Variants in CRPPA observed in about 807,000 individuals in gnomAD.
CRPPA encodes the protein CDP-L-ribitol pyrophosphorylase A, also known as D-ribitol-5-phosphate cytidylyltransferase.
A neutral mutation model predicts 52.0 loss-of-function variants in CRPPA; 43 were observed. The observed-to-expected ratio is 0.83, with a 90% CI of 0.65 to 1.07. The LOEUF is 1.07. Among genes scored for constraint, CRPPA ranks in the 50% least tolerant of loss-of-function variants. The pLI is 0.00. For synonymous variants in CRPPA, 250 were observed against 203.5 expected, an observed-to-expected ratio of 1.23 and a Z score of -1.94; for missense variants, 629 against 551.7, an observed-to-expected ratio of 1.14 and a Z score of -1.40.
At chr7:16,213,348 T>C (rs984173663) in intron 9 of CRPPA, among the ~76,000 whole-genome samples, 1 of 152,222 alleles carries the variant, frequency 6.6e-6, no homozygotes, top group African/African-American at 2.4e-5. Flanking sequence ...AGGGACTTAG[T>C]CTAATTTAAT....
chr7:16,160,407 C>A (rs187279769), intron 9 of CRPPA, among the ~76,000 whole-genome samples: 1 of 152,152 alleles, frequency 6.6e-6, no homozygotes, highest in African/African-American at 2.4e-5. Flanking sequence ...TTTCCCAACA[C>A]CATTTATTAA....
intron 9 of CRPPA, among the ~76,000 whole-genome samples, chr7:16,194,071 CA>C (rs1781673840): frequency 6.6e-6 from 1 of 151,694 alleles, no homozygotes; most frequent in Non-Finnish European, 1.5e-5. Context: ...TTACCTAAGA[CA>C]AAAAAAATTA....
rs941781424 is a variant in CRPPA at position 16,111,886 on chromosome 7, T to G, written c.1252-20087A>C. ...AGTTAATAATGGGAATATTGTACAT[T>G]TCAAAACTGCTGAGTAAATTCCAAA... On this transcript the variant is annotated intron_variant, in intron 9 of 9. Coordinates refer to ENST00000407010, the MANE Select transcript of CRPPA (RefSeq NM_001101426.4). Among the ~76,000 whole-genome samples, 3 of 152,284 alleles carry G rather than the reference T, an allele frequency of 2.0e-5. No homozygotes were observed. The East Asian group carries it at 5.8e-4, about 29-fold the overall frequency.
intron 3 of CRPPA, among the ~76,000 whole-genome samples, chr7:16,362,226 G>A (rs570330976): frequency 1.3e-5 from 2 of 152,180 alleles, no homozygotes; most frequent in Non-Finnish European, 2.9e-5. Flanking sequence ...CACAGACCGG[G>A]TAGTTTACCA....
chr7:16,188,042 ATTTTT>A (rs34518390), intron 9 of CRPPA, among the ~76,000 whole-genome samples: 4 of 115,502 alleles, frequency 3.5e-5, no homozygotes, highest in Non-Finnish European at 3.7e-5. Flanking sequence ...ATTTGGGTGA[ATTTTT>A]TTTTTTTTTT....
intron 9 of CRPPA, among the ~76,000 whole-genome samples, chr7:16,137,596 T>A (rs1782785625): frequency 6.6e-6 from 1 of 152,136 alleles, no homozygotes; most frequent in Non-Finnish European, 1.5e-5. Context: ...CTACACAAAA[T>A]CTTTTATTAG....
At chr7:16,399,920 G>A (rs969313372) in intron 2 of CRPPA, among the ~76,000 whole-genome samples, 1 of 151,930 alleles carries the variant, frequency 6.6e-6, no homozygotes, top group South Asian at 2.1e-4. Context: ...GTGTGTGACA[G>A]GCGTGTTATG....
At chr7:16,310,269 C>A (rs1785005860) in intron 3 of CRPPA, among the ~76,000 whole-genome samples, 1 of 151,998 alleles carries the variant, frequency 6.6e-6, no homozygotes, top group East Asian at 1.9e-4. Context: ...CAGTGTCTAA[C>A]AGCCTTCTGC....
intron 8 of CRPPA, among the ~76,000 whole-genome samples, chr7:16,254,417 G>A (rs1783557057): frequency 6.6e-6 from 1 of 151,806 alleles, no homozygotes; most frequent in South Asian, 2.1e-4. Context: ...CATAAAAAAT[G>A]ATGAGTTCAT....
At chr7:16,258,626 A>C (rs2128412378) in intron 7 of CRPPA, 144 bp from the exon 8 acceptor site, 1 of 621,420 alleles carries the variant, frequency 1.6e-6, no homozygotes, top group African/African-American at 1.9e-5. Context: ...ATTTTAAAGG[A>C]TATCCATAAA....
intron 8 of CRPPA, among the ~76,000 whole-genome samples, chr7:16,247,015 A>C (rs1395158538): frequency 6.6e-6 from 1 of 152,244 alleles, no homozygotes; most frequent in Non-Finnish European, 1.5e-5. Flanking sequence ...TTCCAATAGA[A>C]GGCTGTCTCA....
chr7:16,398,471 A>C (rs1005225694), intron 2 of CRPPA, among the ~76,000 whole-genome samples: 19 of 152,008 alleles, frequency 1.2e-4, no homozygotes, highest in African/African-American at 4.1e-4. Flanking sequence ...TGTGCGATTG[A>C]CATGATTGGC....
chr7:16,162,566 T>C (rs879053494), intron 9 of CRPPA, among the ~76,000 whole-genome samples: 2 of 152,218 alleles, frequency 1.3e-5, no homozygotes, highest in African/African-American at 4.8e-5. Flanking sequence ...TTCCATTCTT[T>C]TGCATTTGCT....
In CRPPA at chr7:16,090,432, G is replaced by A. The variant is rs530710604; in HGVS notation, c.*1263C>T. The stretch of plus-strand genomic sequence containing the variant: ...AAATAAATGTATGTTGGCTGGGTAT[G>A]GTGGCTCACACCTATAATCCCAGCA... On this transcript the variant is annotated 3_prime_UTR_variant, in exon 10 of 10. Transcript: ENST00000407010. 6.6e-6 allele frequency: 1 copy of A among 151,914 alleles called. No homozygotes were observed. The highest frequency in any genetic ancestry group is 2.4e-5 in the African/African-American group (1 of 41,422). 9.4% of individuals were successfully genotyped at this position (151,914 alleles called of 1,614,324 possible).
At chr7:16,366,662 G>C (rs1786598063) in intron 3 of CRPPA, among the ~76,000 whole-genome samples, 1 of 151,634 alleles carries the variant, frequency 6.6e-6, no homozygotes, top group Admixed American at 6.6e-5. Context: ...TCCCAGCCAA[G>C]TCACCAGATC....
intron 8 of CRPPA, among the ~76,000 whole-genome samples, chr7:16,217,456 G>C (rs1181594339): frequency 1.4e-5 from 2 of 144,276 alleles, no homozygotes; most frequent in Non-Finnish European, 3.1e-5. Context: ...ACTTTGACGA[G>C]CTGAGAGAAG....
At chr7:16,151,522 C>T (rs532017321) in intron 9 of CRPPA, among the ~76,000 whole-genome samples, 8 of 151,804 alleles carry the variant, frequency 5.3e-5, no homozygotes, top group Middle Eastern at 3.4e-3. Context: ...GTTATTATGC[C>T]CATCTCAATG....
At chr7:16,315,961 C>A (rs564452987) in intron 3 of CRPPA, among the ~76,000 whole-genome samples, 1 of 152,082 alleles carries the variant, frequency 6.6e-6, no homozygotes, top group East Asian at 1.9e-4. Flanking sequence ...GTTTATTTTT[C>A]AATTGTTCAA....
chr7:16,376,116 A>T lies in CRPPA; in HGVS notation c.660T>A (p.Asp220Glu). 1 of 1,603,942 alleles carries T rather than the reference A, an allele frequency of 6.2e-7. No homozygotes were observed. ...ASEMPQAFLF[D>E]VIYEAYQQCS... is the part of the protein sequence containing the mutation. Reference sequence around the variant, plus strand: ...CCTGCTGATATGCTTCATAAATCACATCAAATAGAAAAGCTTGGGGCATTT... The same window carrying T: ...CCTGCTGATATGCTTCATAAATCACTTCAAATAGAAAAGCTTGGGGCATTT... Residue 220 changes from aspartate (D) to glutamate (E), a missense_variant, in exon 3 of 10, where the codon GAT (aspartate) becomes GAA (glutamate). By Grantham distance (45) the Asp-to-Glu change is conservative. Coordinates refer to ENST00000407010, the MANE Select transcript of CRPPA (RefSeq NM_001101426.4).
Sources: allele counts gnomAD v4.1 joint callset (sites outside exome capture counted in the v4.1 genomes callset), GRCh38; gene constraint gnomAD v4.1.1; transcripts MANE v1.5; gene names NCBI Gene and HGNC (gene_info 2026-07-23, HGNC 2026-07-21).